The following PPP1R14D variants were observed in gnomAD, a reference collection of about 807,000 sequenced individuals.
The protein encoded by PPP1R14D is protein phosphatase 1 regulatory subunit 14D.
PPP1R14D carries 14 observed loss-of-function variants against 17.1 expected under a neutral mutation model. The ratio of observed to expected loss-of-function variants is 0.82; its 90% CI spans 0.54 to 1.28. The LOEUF (loss-of-function observed/expected upper bound fraction) is 1.28, where lower values mean the gene tolerates loss of function less well. Ranked by LOEUF, PPP1R14D falls within the 50% of genes most tolerant of loss-of-function variation. The pLI is 0.00. For missense variants in PPP1R14D, 173 were observed against 179.2 expected, an observed-to-expected ratio of 0.97 and a Z score of 0.20; for synonymous variants, 67 against 66.1, an observed-to-expected ratio of 1.01 and a Z score of -0.06.
In PPP1R14D at chr15:40,815,543, G is replaced by C; in HGVS notation, c.*153C>G. On this transcript the variant is annotated 3_prime_UTR_variant, in exon 4 of 4. Transcript: ENST00000299174. ...CAGAGAGCCCAGCTGACAGAAACTAGCTGTGACCACACAGACAGTAGGAGT... is the reference window on the plus strand; with the variant it reads ...CAGAGAGCCCAGCTGACAGAAACTACCTGTGACCACACAGACAGTAGGAGT... 1.0e-6 allele frequency: 1 copy of C among 978,642 alleles called. No homozygotes were observed. Among genetic ancestry groups the C allele is most frequent in the Non-Finnish European group, 1.5e-6 (1 of 675,656 alleles). 60.6% of individuals were successfully genotyped at this position (978,642 alleles called of 1,614,324 possible).
At chr15:40,827,701 G>A (rs910001100) in intron 1 of PPP1R14D, among the ~76,000 whole-genome samples, 2 of 152,024 alleles carry the variant, frequency 1.3e-5, no homozygotes, top group Admixed American at 1.3e-4. Flanking sequence ...CAGGCAGACT[G>A]TTTGAGCCAA....
At chr15:40,826,969 T>C (rs1448740362) in intron 1 of PPP1R14D, among the ~76,000 whole-genome samples, 3 of 152,190 alleles carry the variant, frequency 2.0e-5, no homozygotes, top group Non-Finnish European at 2.9e-5. Flanking sequence ...TTTAAAGGTA[T>C]ATAAGTAAGA....
intron 1 of PPP1R14D, among the ~76,000 whole-genome samples, chr15:40,819,691 T>A (rs901159396): frequency 6.6e-6 from 1 of 152,174 alleles, no homozygotes; most frequent in Non-Finnish European, 1.5e-5. Context: ...CTGTTGAGAT[T>A]TTCAGTTTTT....
rs758356917 is a variant in PPP1R14D, at chr15:40,828,488, G to A, written c.154C>T (p.Arg52Trp). The A allele has an allele frequency of 6.2e-6, 10 of 1,614,062 alleles. No homozygotes were observed. Among genetic ancestry groups the A allele is most frequent in the East Asian group, 4.5e-5 (2 of 44,890 alleles). Reference protein sequence around the residue: ...HPDSSKIPRSRRPSRLTVKYD... With the variant: ...HPDSSKIPRSWRPSRLTVKYD... The stretch of plus-strand genomic sequence containing the variant: ...TTCACTGTCAGGCGGCTGGGTCTCC[G>A]GGACCTGGGTATCTTGGAGGAGTCC... The change falls in exon 1 of 4, where the codon CGG becomes TGG. Residue 52 changes from arginine to tryptophan, a missense_variant. Coordinates refer to ENST00000299174, the MANE Select transcript of PPP1R14D (RefSeq NM_017726.8).
At chr15:40,820,153 A>C (rs1007339393) in intron 1 of PPP1R14D, among the ~76,000 whole-genome samples, 1 of 149,550 alleles carries the variant, frequency 6.7e-6, no homozygotes, top group East Asian at 2.0e-4. Context: ...GGCATGAGCC[A>C]CTGTGCCCAG....
intron 1 of PPP1R14D, among the ~76,000 whole-genome samples, chr15:40,820,716 C>T (rs943385647): frequency 6.7e-6 from 1 of 150,296 alleles, no homozygotes; most frequent in African/African-American, 2.4e-5. Flanking sequence ...AAAAATTTAG[C>T]GAGGTGTTCT....
At chr15:40,821,414 A>G (rs1890774398) in intron 1 of PPP1R14D, among the ~76,000 whole-genome samples, 1 of 152,056 alleles carries the variant, frequency 6.6e-6, no homozygotes, top group Non-Finnish European at 1.5e-5. Context: ...CTTACTAGAT[A>G]GAATTAACAG....
In PPP1R14D at chr15:40,827,012, C is replaced by A. The variant is rs571174818; in HGVS notation, c.255+1375G>T. On this transcript the variant is annotated intron_variant, in intron 1 of 3. Coordinates refer to ENST00000299174, the MANE Select transcript of PPP1R14D (RefSeq NM_017726.8). ...GTTTCCAGTAACCAGGGACCAAGAC[C>A]TGTCCTTTTCCCAGAGTGGGGTTGA... Among the ~76,000 whole-genome samples the A allele has an allele frequency of 1.1e-4, 16 of 152,310 alleles. No individual in the cohort carries two copies. The South Asian group carries it at 3.3e-3, about 32-fold the overall frequency.
intron 3 of PPP1R14D, 72 bp from the exon 4 acceptor site, chr15:40,815,833 C>T: frequency 4.5e-6 from 4 of 891,536 alleles, no homozygotes; most frequent in South Asian, 1.4e-5. Flanking sequence ...CCCTAATCTT[C>T]CCCTGCCCCT....
chr15:40,815,540 C>G lies in PPP1R14D; in HGVS notation c.*156G>C. 1 of 958,830 alleles carries G rather than the reference C, an allele frequency of 1.0e-6. No individual in the cohort carries two copies. Among genetic ancestry groups the G allele is most frequent in the Non-Finnish European group, 1.5e-6 (1 of 659,134 alleles). The allele number at this position is 958,830 out of a possible 1,614,324, so 59.4% of individuals were successfully genotyped here. A position where few individuals can be genotyped will look rare whatever the true frequency, so the allele number is the denominator to read the frequency against. ...TCCCAGAGAGCCCAGCTGACAGAAA[C>G]TAGCTGTGACCACACAGACAGTAGG... is the stretch of plus-strand genomic sequence containing the variant. On this transcript the variant is annotated 3_prime_UTR_variant, in exon 4 of 4. Coordinates refer to ENST00000299174, the MANE Select transcript of PPP1R14D (RefSeq NM_017726.8).
Position 40,828,386 on chromosome 15 carries a change from C to T in PPP1R14D, c.255+1G>A, listed in dbSNP as rs1566844935. On this transcript the variant is annotated splice_donor_variant, in intron 1 of 3. Transcript: ENST00000299174. LOFTEE classifies it high-confidence loss of function. ...CTCCCACTATCCGCTGTGCTACCTA[C>T]CTGGAAGAGCTCCTGAACTTGAGCA... 1.3e-6 allele frequency: 2 copies of T among 1,591,462 alleles called. No individual in the cohort carries two copies. Among genetic ancestry groups the T allele is most frequent in the Non-Finnish European group, 1.7e-6 (2 of 1,168,960 alleles).
Position 40,817,176 on chromosome 15 carries a change from G to T in PPP1R14D, c.256-923C>A, listed in dbSNP as rs930895234. ...GTTCTAGACCAGCCTGGCCAACGTG[G>T]TAAAACCCCGTCTCTACTGAATATA... On this transcript the variant is annotated intron_variant, in intron 1 of 3. Transcript: ENST00000299174. The T allele has an allele frequency of 1.5e-4, 34 of 221,850 alleles. 1 individual carries two copies. The highest frequency in any genetic ancestry group is 1.5e-3 in the Admixed American group (29 of 19,532). The allele number at this position is 221,850 out of a possible 1,614,324, so 13.7% of individuals were successfully genotyped here.
chr15:40,821,750 A>T (rs1039277337), intron 1 of PPP1R14D, among the ~76,000 whole-genome samples: 2 of 151,638 alleles, frequency 1.3e-5, no homozygotes, highest in African/African-American at 4.9e-5. Flanking sequence ...CACCATGGCG[A>T]AACCCCATCT....
At chr15:40,816,889 T>C (rs1225807947) in intron 1 of PPP1R14D, among the ~76,000 whole-genome samples, 2 of 151,580 alleles carry the variant, frequency 1.3e-5, no homozygotes, top group Non-Finnish European at 2.9e-5. Flanking sequence ...CTGGCCAACA[T>C]GGTGAAATCC....
intron 1 of PPP1R14D, among the ~76,000 whole-genome samples, chr15:40,820,086 G>A (rs1890747506): frequency 1.3e-5 from 2 of 148,922 alleles, no homozygotes; most frequent in African/African-American, 5.0e-5. Context: ...GGCTGGTCTC[G>A]AACTCCTGAC....
At chr15:40,823,908 C>T (rs767189309) in intron 1 of PPP1R14D, among the ~76,000 whole-genome samples, 35 of 151,586 alleles carry the variant, frequency 2.3e-4, no homozygotes, top group Non-Finnish European at 3.8e-4. Flanking sequence ...TTACCCCTCC[C>T]AGCACTTTGG....
intron 1 of PPP1R14D, among the ~76,000 whole-genome samples, chr15:40,824,733 T>G (rs1350219005): frequency 1.3e-5 from 2 of 152,154 alleles, no homozygotes; most frequent in Non-Finnish European, 2.9e-5. Flanking sequence ...AGAATTAAAA[T>G]GTCACTATAT....
Position 40,822,965 on chromosome 15 carries a change from AT to A in PPP1R14D, c.255+5421del, listed in dbSNP as rs35437867. Among the ~76,000 whole-genome samples the A allele has an allele frequency of 1.7e-3, 204 of 123,558 alleles. 1 individual carries two copies. The highest frequency in any genetic ancestry group is 0.013 in the Middle Eastern group (3 of 228). The allele number at this position is 123,558 out of a possible 152,430, so 81.1% of individuals were successfully genotyped here. A position where few individuals can be genotyped will look rare whatever the true frequency, so the allele number is the denominator to read the frequency against. On this transcript the variant is annotated intron_variant, in intron 1 of 3. Transcript: ENST00000299174. The stretch of plus-strand genomic sequence containing the variant: ...AGGTGCACACCACCACATCCGGCTA[AT>A]TTTTTTTTTTTTTTTTTTTTACAAT...
intron 1 of PPP1R14D, among the ~76,000 whole-genome samples, chr15:40,825,129 C>CA (rs1187668304): frequency 6.6e-6 from 1 of 151,654 alleles, no homozygotes; most frequent in Non-Finnish European, 1.5e-5. Flanking sequence ...ACTAAAAATA[C>CA]AAAAAATTAG....
Sources: allele counts gnomAD v4.1 joint callset (sites outside exome capture counted in the v4.1 genomes callset), GRCh38; gene constraint gnomAD v4.1.1; transcripts MANE v1.5; gene names NCBI Gene and HGNC (gene_info 2026-07-23, HGNC 2026-07-21).